HEMK2: variants seen among roughly 807,000 people sequenced by gnomAD.
The protein encoded by HEMK2 is methyltransferase HEMK2.
At chr21:28,687,158 A>G in the HEMK2 span, among the ~76,000 whole-genome samples, 1 of 152,234 alleles carries the variant, frequency 6.6e-6, no homozygotes, top group African/African-American at 2.4e-5. Context: ...CTGGCCACAT[A>G]TAAAGTTAAT....
chr21:28,801,385 C>T, the HEMK2 span, among the ~76,000 whole-genome samples: 3 of 151,962 alleles, frequency 2.0e-5, no homozygotes, highest in East Asian at 1.9e-4. Context: ...TATAAACATT[C>T]TTTTTTTAAA....
the HEMK2 span, among the ~76,000 whole-genome samples, chr21:28,869,986 T>C: frequency 2.0e-5 from 3 of 152,210 alleles, no homozygotes; most frequent in African/African-American, 7.2e-5. Context: ...GGTTCTCCTC[T>C]AGCCTTTCTC....
At chr21:28,756,175 A>T in the HEMK2 span, among the ~76,000 whole-genome samples, 1 of 152,180 alleles carries the variant, frequency 6.6e-6, no homozygotes, top group Admixed American at 6.5e-5. Flanking sequence ...TTGTTCAACC[A>T]TGCATTCCCT....
the HEMK2 span, among the ~76,000 whole-genome samples, chr21:28,728,704 A>C: frequency 6.6e-6 from 1 of 152,260 alleles, no homozygotes; most frequent in Non-Finnish European, 1.5e-5. Context: ...CTCCATGCCA[A>C]GCTCCAGGGT....
At chr21:28,606,124 A>C in the HEMK2 span, among the ~76,000 whole-genome samples, 1 of 152,232 alleles carries the variant, frequency 6.6e-6, no homozygotes, top group Non-Finnish European at 1.5e-5. Flanking sequence ...TTCACAAATC[A>C]AAGACAAATT....
the HEMK2 span, among the ~76,000 whole-genome samples, chr21:28,708,953 T>G: frequency 1.2e-4 from 19 of 152,318 alleles, no homozygotes; most frequent in Admixed American, 1.3e-4. Flanking sequence ...TATAAACAAC[T>G]TAGTTCTCAG....
At chr21:28,784,336 C>T in the HEMK2 span, among the ~76,000 whole-genome samples, 1 of 152,018 alleles carries the variant, frequency 6.6e-6, no homozygotes, top group Admixed American at 6.5e-5. Context: ...CACCCTGTGT[C>T]CAGCTCAAGG....
At chr21:28,868,772 C>T in the HEMK2 span, among the ~76,000 whole-genome samples, 4,295 of 152,244 alleles carry the variant, frequency 0.028, 145 homozygotes, top group East Asian at 0.15. Context: ...CATTTTTAGT[C>T]GTATTATTAA....
the HEMK2 span, among the ~76,000 whole-genome samples, chr21:28,807,968 G>T: frequency 2.0e-5 from 3 of 152,150 alleles, no homozygotes; most frequent in Admixed American, 2.0e-4. Context: ...CATCAGCTGG[G>T]TCTTTCTGGG....
chr21:28,778,336 A>G, the HEMK2 span, among the ~76,000 whole-genome samples: 1 of 152,130 alleles, frequency 6.6e-6, no homozygotes, highest in Admixed American at 6.5e-5. Context: ...CATGGTATGG[A>G]TGTGTCATGG....
chr21:28,613,951 G>A, the HEMK2 span, among the ~76,000 whole-genome samples: 1 of 152,064 alleles, frequency 6.6e-6, no homozygotes, highest in African/African-American at 2.4e-5. Flanking sequence ...TTCTCCCCAC[G>A]GTTCAAGTGC....
the HEMK2 span, among the ~76,000 whole-genome samples, chr21:28,828,217 G>A: frequency 6.6e-6 from 1 of 152,172 alleles, no homozygotes; most frequent in Non-Finnish European, 1.5e-5. Context: ...CAGGATTTGT[G>A]TGCAGATGTG....
the HEMK2 span, among the ~76,000 whole-genome samples, chr21:28,819,797 C>T: frequency 1.3e-5 from 2 of 152,032 alleles, no homozygotes; most frequent in African/African-American, 4.8e-5. Context: ...ATCCACCCAC[C>T]TCGGCCTCCC....
At chr21:28,841,392 ATAT>A in the HEMK2 span, among the ~76,000 whole-genome samples, 1 of 34,028 alleles carries the variant, frequency 2.9e-5, no homozygotes, top group African/African-American at 2.4e-4. Flanking sequence ...AATATATAAA[ATAT>A]TATATATATA....
the HEMK2 span, among the ~76,000 whole-genome samples, chr21:28,658,839 G>A: frequency 1.3e-5 from 2 of 151,988 alleles, no homozygotes; most frequent in Non-Finnish European, 2.9e-5. Context: ...AGCACTTTAC[G>A]TTAATTGCTA....
At chr21:28,775,491 A>G in the HEMK2 span, among the ~76,000 whole-genome samples, 1 of 152,210 alleles carries the variant, frequency 6.6e-6, no homozygotes, top group Non-Finnish European at 1.5e-5. Flanking sequence ...TAAAAGTATC[A>G]CTATGTAAAT....
chr21:28,749,009 G>A, the HEMK2 span, among the ~76,000 whole-genome samples: 2 of 152,232 alleles, frequency 1.3e-5, no homozygotes, highest in East Asian at 3.9e-4. Context: ...TCAGACCTTG[G>A]AGACATGGCT....
At chr21:28,742,326 C>T in the HEMK2 span, among the ~76,000 whole-genome samples, 1 of 152,180 alleles carries the variant, frequency 6.6e-6, no homozygotes, top group Non-Finnish European at 1.5e-5. Flanking sequence ...ATTTGTGCCT[C>T]GGTCTTAAAG....
chr21:28,863,465 T>TATAA, the HEMK2 span, among the ~76,000 whole-genome samples: 2 of 85,592 alleles, frequency 2.3e-5, no homozygotes, highest in East Asian at 4.1e-4. Flanking sequence ...TATATATATA[T>TATAA]ATATACTTCA....
Sources: gnomAD v4.1 joint callset for allele counts (sites outside exome capture counted in the v4.1 genomes callset) on GRCh38, gnomAD v4.1.1 for gene constraint, MANE v1.5 for transcripts, NCBI Gene and HGNC (gene_info 2026-07-23, HGNC 2026-07-21) for gene names.